The following TXNDC16 variants were observed in gnomAD, a reference collection of about 807,000 sequenced individuals.
The protein encoded by TXNDC16 is thioredoxin domain-containing protein 16.
TXNDC16 carries 74 observed loss-of-function variants against 85.6 expected under a neutral mutation model. The ratio of observed to expected loss-of-function variants is 0.86; its 90% confidence interval spans 0.72 to 1.05. TXNDC16 has a LOEUF of 1.05. TXNDC16 is among the 50% of genes least tolerant of loss of function. TXNDC16 has a pLI of 0.00. For missense variants in TXNDC16, 959 were observed against 947.0 expected (o/e 1.01, Z -0.17); for synonymous variants, 335 against 326.5 (o/e 1.03, Z -0.28).
chr14:52,504,830 C>T (rs566175059), intron 9 of TXNDC16, among the ~76,000 whole-genome samples: 6 of 152,114 alleles, frequency 3.9e-5, no homozygotes, highest in Non-Finnish European at 8.8e-5. Flanking sequence ...AAGCCCATCT[C>T]ATGTGCAGAG....
At chr14:52,455,229 C>T (rs1331989229) in intron 18 of TXNDC16, 95 bp downstream of exon 18, 2 of 1,455,676 alleles carry the variant, frequency 1.4e-6, no homozygotes, top group African/African-American at 1.4e-5. Context: ...CTGCCCTGTA[C>T]CAGCAAAAAA....
chr14:52,488,559 G>A, intron 11 of TXNDC16, 73 bp from the exon 12 acceptor site: 1 of 1,290,988 alleles, frequency 7.7e-7, no homozygotes, highest in Non-Finnish European at 1.1e-6. Context: ...ACTTGGGCCA[G>A]GTGTGGTGGC....
intron 6 of TXNDC16, among the ~76,000 whole-genome samples, chr14:52,528,393 C>T (rs572808470): frequency 6.6e-6 from 1 of 152,124 alleles, no homozygotes; most frequent in East Asian, 1.9e-4. Flanking sequence ...AATATTTCTC[C>T]TTATTAAGAA....
At chr14:52,508,137 A>T (rs2036859258) in intron 9 of TXNDC16, among the ~76,000 whole-genome samples, 1 of 152,172 alleles carries the variant, frequency 6.6e-6, no homozygotes, top group Non-Finnish European at 1.5e-5. Flanking sequence ...CAACCTACAG[A>T]ATGGGAGAAA....
chr14:52,451,679 A>G (rs10144579), intron 18 of TXNDC16, among the ~76,000 whole-genome samples: 38,754 of 151,946 alleles, frequency 0.26, 5,081 homozygotes, highest in East Asian at 0.39. Flanking sequence ...AAAACTGGGT[A>G]CAGAAGGAAT....
chr14:52,484,523 T>C (rs958714597), intron 12 of TXNDC16, among the ~76,000 whole-genome samples: 1 of 152,184 alleles, frequency 6.6e-6, no homozygotes, highest in Non-Finnish European at 1.5e-5. Context: ...TGTAACATCG[T>C]AGCACAACAC....
At chr14:52,461,369 A>G (rs560327590) in intron 16 of TXNDC16, among the ~76,000 whole-genome samples, 1 of 151,342 alleles carries the variant, frequency 6.6e-6, no homozygotes, top group East Asian at 1.9e-4. Context: ...GCTTTTTTAT[A>G]TCATGTAAAA....
Position 52,432,402 on chromosome 14 carries a change from T to C in TXNDC16, c.2380A>G (p.Thr794Ala). 1 of 1,614,020 alleles carries C rather than the reference T, an allele frequency of 6.2e-7. No homozygotes were observed. The highest frequency in any genetic ancestry group is 2.2e-5 in the East Asian group (1 of 44,856). ...CTATTCCAATGCTTTATTCTCAGAG[T>C]TTCAATCGGTTCTTTTCTGACTGCC... Reference protein sequence around the residue: ...KSAVRKEPIETLRIKHWNRSN... With the variant: ...KSAVRKEPIEALRIKHWNRSN... Residue 794 changes from threonine (T) to alanine (A), a missense_variant, in exon 21 of 21, where the codon ACT becomes GCT. By Grantham distance (58) the Thr-to-Ala change is moderately conservative. Coordinates refer to ENST00000281741, the MANE Select transcript of TXNDC16 (RefSeq NM_020784.3).
At position 52,455,369 on chromosome 14, in the gene TXNDC16, T is replaced by G. The variant is rs750295072; in HGVS notation, c.1797A>C (p.Ala599=). Residue 599 remains alanine (A), a synonymous_variant, in exon 18 of 21, where the codon GCA becomes GCC. Coordinates refer to ENST00000281741, the MANE Select transcript of TXNDC16 (RefSeq NM_020784.3). ...IESIPLASTH[A]QDIVQIITDA... ...CTGTTATTATTTGAACTATGTCTTG[T>G]GCATGTGTGCTAGCTAGTGGGATGC... 6.2e-6 allele frequency: 10 copies of G among 1,613,922 alleles called. No individual in the cohort carries two copies. The highest frequency in any genetic ancestry group is 1.6e-4 in the Middle Eastern group (1 of 6,084).
intron 19 of TXNDC16, among the ~76,000 whole-genome samples, chr14:52,439,719 T>C (rs1014932131): frequency 1.3e-5 from 2 of 152,226 alleles, no homozygotes; most frequent in Non-Finnish European, 2.9e-5. Flanking sequence ...TGGCCAAGTA[T>C]CTGATCATAC....
At chr14:52,548,673 G>A (rs1199548095) in intron 1 of TXNDC16, among the ~76,000 whole-genome samples, 1 of 152,130 alleles carries the variant, frequency 6.6e-6, no homozygotes, top group Non-Finnish European at 1.5e-5. Context: ...CCTGAGGTCA[G>A]GAGTTCGAGA....
In TXNDC16 at chr14:52,440,649, T is replaced by C. The variant is rs560170209; in HGVS notation, c.1918A>G (p.Thr640Ala). 2.5e-6 allele frequency: 4 copies of C among 1,610,970 alleles called. No individual in the cohort carries two copies. Among genetic ancestry groups the C allele is most frequent in the East Asian group, 2.2e-5 (1 of 44,614 alleles). The change falls in exon 19 of 21, where the codon ACT (threonine) becomes GCT (alanine). Residue 640 changes from threonine (T) to alanine (A), a missense_variant. Coordinates refer to ENST00000281741, the MANE Select transcript of TXNDC16 (RefSeq NM_020784.3). ...GCTTTTTTATACTGAGGATTTACAG[T>C]GCCATCACTGAACAAAATCAATAAT... Reference protein sequence around the residue: ...KPLLILFSDGTVNPQYKKAIL... With the variant: ...KPLLILFSDGAVNPQYKKAIL...
intron 6 of TXNDC16, among the ~76,000 whole-genome samples, chr14:52,536,503 A>C (rs532010624): frequency 2.6e-5 from 4 of 152,178 alleles, no homozygotes; most frequent in Admixed American, 2.6e-4. Context: ...GTCATCTCCT[A>C]CTCTTATAAA....
Position 52,439,158 on chromosome 14 carries a change from GAACAAAATGCAGAACTACATGTATTA to G in TXNDC16, c.2194+20_2194+45del. Reference sequence around the variant, plus strand: ...CTATATTTAGAGTTTAACATTTATGGAACAAAATGCAGAACTACATGTATTAAACAAAACAGAAAACTTACTGATAT... The same window carrying G: ...CTATATTTAGAGTTTAACATTTATGGAACAAAACAGAAAACTTACTGATAT... On this transcript the variant is annotated intron_variant, in intron 20 of 20. Transcript: ENST00000281741. 1.3e-6 allele frequency: 2 copies of G among 1,548,836 alleles called. No homozygotes were observed. The highest frequency in any genetic ancestry group is 8.9e-7 in the Non-Finnish European group (1 of 1,129,858).
Position 52,542,448 on chromosome 14 carries a change from G to C in TXNDC16, c.166C>G (p.Pro56Ala), listed in dbSNP as rs777031242. The change falls in exon 4 of 21, where the codon CCA becomes GCA. Residue 56 changes from proline to alanine, a missense_variant. Pro to Ala is a conservative substitution (Grantham distance 27). Coordinates refer to ENST00000281741, the MANE Select transcript of TXNDC16 (RefSeq NM_020784.3). The part of the protein sequence containing the change: ...SLAYFCQADS[P>A]RTSVFLEELN... Reference sequence around the variant, plus strand: ...TCTTCAAGAAATACAGATGTTCTTGGGGAATCTAAAACAACAAATGTTTCA... The same window carrying C: ...TCTTCAAGAAATACAGATGTTCTTGCGGAATCTAAAACAACAAATGTTTCA... 47 of 1,610,086 alleles carry C rather than the reference G, an allele frequency of 2.9e-5. No homozygotes were observed. The highest frequency in any genetic ancestry group is 3.8e-5 in the Non-Finnish European group (45 of 1,177,608).
At chr14:52,471,053 A>G (rs1215914166) in intron 14 of TXNDC16, among the ~76,000 whole-genome samples, 1 of 152,184 alleles carries the variant, frequency 6.6e-6, no homozygotes, top group Non-Finnish European at 1.5e-5. Flanking sequence ...CCAGACCCAT[A>G]TATCCTTACT....
chr14:52,535,483 A>G (rs1268833937), intron 6 of TXNDC16, among the ~76,000 whole-genome samples: 1 of 152,064 alleles, frequency 6.6e-6, no homozygotes, highest in Non-Finnish European at 1.5e-5. Flanking sequence ...TAAACTACCA[A>G]TTTTTGTAGG....
chr14:52,489,698 T>C (rs2036356343), intron 11 of TXNDC16, among the ~76,000 whole-genome samples: 1 of 152,222 alleles, frequency 6.6e-6, no homozygotes. Flanking sequence ...GACACACTTG[T>C]ATAACCACCA....
intron 9 of TXNDC16, among the ~76,000 whole-genome samples, chr14:52,493,212 T>TAC (rs1566558757): frequency 8.6e-6 from 1 of 115,618 alleles, no homozygotes; most frequent in Non-Finnish European, 1.8e-5. Flanking sequence ...TATATATATA[T>TAC]ATATACACAC....
Sources: gnomAD v4.1 joint callset for allele counts (sites outside exome capture counted in the v4.1 genomes callset) on GRCh38, gnomAD v4.1.1 for gene constraint, MANE v1.5 for transcripts, NCBI Gene and HGNC (gene_info 2026-07-23, HGNC 2026-07-21) for gene names.